CARD6: variants seen among roughly 807,000 people sequenced by gnomAD.
CARD6 encodes the protein caspase recruitment domain family member 6, also known as caspase recruitment domain-containing protein 6.
CARD6 carries 27 observed loss-of-function variants against 23.6 expected under a neutral mutation model. That is an observed-to-expected ratio of 1.14 (90% CI 0.84 to 1.58). CARD6 has a LOEUF of 1.58. Among genes scored for constraint, CARD6 ranks in the 40% most tolerant of loss-of-function variants. The probability of loss-of-function intolerance (pLI) is 0.00; values close to 1 mark genes in which losing one functional copy is unlikely to be tolerated. For missense variants in CARD6, 1,214 were observed against 1,209.9 expected (o/e 1.00, Z -0.05); for synonymous variants, 397 against 431.8 (o/e 0.92, Z 1.00).
At position 40,853,183 on chromosome 5, in the gene CARD6, T is replaced by C. The variant is rs1746107906; in HGVS notation, c.1851T>C (p.Asp617=). 1 of 1,614,062 alleles carries C rather than the reference T, an allele frequency of 6.2e-7. No homozygotes were observed. The highest frequency in any genetic ancestry group is 1.7e-5 in the Admixed American group (1 of 59,986). The part of the protein sequence containing the change: ...LLFWERGDAG[D]RRKNMEGLQA... ...TTTGGGAGAGGGGAGATGCTGGGGA[T>C]AGAAGGAAGAACATGGAGGGCCTTC... Residue 617 remains aspartate, a synonymous_variant, in exon 3 of 3, where the codon GAT becomes GAC. Transcript: ENST00000254691.
intron 2 of CARD6, among the ~76,000 whole-genome samples, chr5:40,846,477 T>G (rs1745970047): frequency 6.6e-6 from 1 of 152,116 alleles, no homozygotes; most frequent in Non-Finnish European, 1.5e-5. Context: ...TGTAACAAAG[T>G]ACCACAAATG....
At chr5:40,845,024 C>T (rs1056015087) in intron 2 of CARD6, among the ~76,000 whole-genome samples, 33 of 152,026 alleles carry the variant, frequency 2.2e-4, no homozygotes, top group African/African-American at 7.5e-4. Flanking sequence ...CGTGCCACCA[C>T]GCCTGGCTAA....
intron 2 of CARD6, among the ~76,000 whole-genome samples, chr5:40,851,757 A>C (rs895078782): frequency 1.3e-5 from 2 of 152,118 alleles, no homozygotes; most frequent in East Asian, 3.9e-4. Context: ...TGGAGGTTGC[A>C]GTGAGCTGAG....
Position 40,852,790 on chromosome 5 carries a change from T to C in CARD6, c.1458T>C (p.Phe486=). Residue 486 remains phenylalanine, a synonymous_variant, in exon 3 of 3, where the codon TTT becomes TTC. Coordinates refer to ENST00000254691, the MANE Select transcript of CARD6 (RefSeq NM_032587.4). ...SPAQLKLHKI[F]LHQDLPLLVL... is the part of the protein sequence containing the mutation. ...CCCAGTTGAAATTACACAAAATCTT[T>C]CTTCATCAAGATTTGCCTCTTTTGG... 1 of 1,614,170 alleles carries C rather than the reference T, an allele frequency of 6.2e-7. No homozygotes were observed.
chr5:40,848,514 C>G (rs1746002417), intron 2 of CARD6, among the ~76,000 whole-genome samples: 1 of 152,182 alleles, frequency 6.6e-6, no homozygotes, highest in South Asian at 2.1e-4. Context: ...CCATGCCTGA[C>G]TGTAAAATTC....
chr5:40,844,742 G>C (rs111443233), intron 2 of CARD6, among the ~76,000 whole-genome samples: 103 of 152,178 alleles, frequency 6.8e-4, no homozygotes, highest in African/African-American at 2.3e-3. Context: ...CAGTTTGTGA[G>C]GGATGCTGTA....
In CARD6 at chr5:40,841,640, A is replaced by G. The variant is rs753044145; in HGVS notation, c.258A>G (p.Ser86=). The G allele has an allele frequency of 4.3e-6, 7 of 1,613,850 alleles. No individual in the cohort carries two copies. In the South Asian group the frequency reaches 7.7e-5, roughly 18 times the overall value. ...LKCLFSTFPQ[S]AAICGLRHEV... ...GTTTATTTAGTACTTTTCCACAGTC[A>G]GCTGCCATTTGCGGCTTAAGGCATG... The change falls in exon 1 of 3, where the codon TCA becomes TCG. Residue 86 remains serine (S), a synonymous_variant. Transcript: ENST00000254691.
chr5:40,849,871 T>C (rs962877191), intron 2 of CARD6, among the ~76,000 whole-genome samples: 9 of 151,808 alleles, frequency 5.9e-5, no homozygotes, highest in Admixed American at 4.6e-4. Context: ...TCCCAGCTAC[T>C]CCAAAGGCTG....
chr5:40,853,305 A>T lies in CARD6; in HGVS notation c.1973A>T (p.Asp658Val). The change falls in exon 3 of 3, where the codon GAT (aspartate) becomes GTT (valine). Residue 658 changes from aspartate to valine, a missense_variant. Transcript: ENST00000254691. ...GCCAGGGAGCTGGGGATTCAGGTAGATGAAGACTTTGAAAACACTCAGAGA... is the reference window on the plus strand; with the variant it reads ...GCCAGGGAGCTGGGGATTCAGGTAGTTGAAGACTTTGAAAACACTCAGAGA... The part of the protein sequence containing the change: ...ALARELGIQV[D>V]EDFENTQRIQ... 6.2e-7 allele frequency: 1 copy of T among 1,614,184 alleles called. No individual in the cohort carries two copies. The highest frequency in any genetic ancestry group is 1.1e-5 in the South Asian group (1 of 91,084).
At chr5:40,850,270 C>T (rs924757854) in intron 2 of CARD6, among the ~76,000 whole-genome samples, 1 of 151,218 alleles carries the variant, frequency 6.6e-6, no homozygotes, top group African/African-American at 2.4e-5. Context: ...AAAAATTAGC[C>T]AGGTGTGGTG....
At chr5:40,845,455 T>G (rs1309233559) in intron 2 of CARD6, among the ~76,000 whole-genome samples, 1 of 152,196 alleles carries the variant, frequency 6.6e-6, no homozygotes, top group African/African-American at 2.4e-5. Context: ...GATTTCAACA[T>G]ATGAATTTTG....
chr5:40,854,045 A>T lies in CARD6; in HGVS notation c.2713A>T (p.Thr905Ser). 2 of 1,614,200 alleles carry T rather than the reference A, an allele frequency of 1.2e-6. No homozygotes were observed. Among genetic ancestry groups the T allele is most frequent in the Non-Finnish European group, 1.7e-6 (2 of 1,180,052 alleles). ...TCAGTCCTTTCAACCAGCAGCAGCC[A>T]CACAAAAACTAAGACCTGCTTCTCA... ...HPQSFQPAAA[T>S]QKLRPASQQG... The change falls in exon 3 of 3, where the codon ACA (threonine) becomes TCA (serine). Residue 905 changes from threonine to serine, a missense_variant. By Grantham distance (58) the Thr-to-Ser change is moderately conservative. Coordinates refer to ENST00000254691, the MANE Select transcript of CARD6 (RefSeq NM_032587.4).
chr5:40,844,949 C>T (rs1745941654), intron 2 of CARD6, among the ~76,000 whole-genome samples: 1 of 151,296 alleles, frequency 6.6e-6, no homozygotes, highest in African/African-American at 2.4e-5. Flanking sequence ...CTCACTGTAC[C>T]CTCCGCCTCC....
In CARD6 at chr5:40,843,388, G is replaced by C; in HGVS notation, c.520G>C (p.Val174Leu). 6.2e-7 allele frequency: 1 copy of C among 1,614,050 alleles called. No individual in the cohort carries two copies. Among genetic ancestry groups the C allele is most frequent in the Non-Finnish European group, 8.5e-7 (1 of 1,179,960 alleles). The stretch of plus-strand genomic sequence containing the variant: ...TGAGAAGGAATATGACACACCAGAA[G>C]TCACATTATCATATTCAGTTGAGAA... ...KNEKEYDTPE[V>L]TLSYSVEKVG... Residue 174 changes from valine (V) to leucine (L), a missense_variant, in exon 2 of 3, where the codon GTC becomes CTC. Physicochemically the swap from Val to Leu is conservative, Grantham distance 32. Transcript: ENST00000254691.
chr5:40,842,396 T>C (rs1186434085), intron 1 of CARD6, among the ~76,000 whole-genome samples: 1 of 152,210 alleles, frequency 6.6e-6, no homozygotes, highest in African/African-American at 2.4e-5. Flanking sequence ...TAGGACAAGA[T>C]TTATATGCTT....
At chr5:40,847,345 G>T (rs1236886743) in intron 2 of CARD6, among the ~76,000 whole-genome samples, 1 of 152,178 alleles carries the variant, frequency 6.6e-6, no homozygotes, top group Non-Finnish European at 1.5e-5. Flanking sequence ...AACTTGTATA[G>T]ACAGTATCAA....
intron 2 of CARD6, among the ~76,000 whole-genome samples, chr5:40,844,431 A>G (rs1055117947): frequency 6.6e-6 from 1 of 152,076 alleles, no homozygotes; most frequent in African/African-American, 2.4e-5. Flanking sequence ...GGATTTTGCC[A>G]TGTTGCTCAG....
At position 40,853,411 on chromosome 5, in the gene CARD6, A is replaced by G; in HGVS notation, c.2079A>G (p.Ser693=). ...AAAGACACAGTCAGCTAAAAAGCTC[A>G]TCTAAAAGCCAGGCTCTAATGCCAA... ...GQQRHSQLKS[S]SKSQALMPIQ... Residue 693 remains serine, a synonymous_variant, in exon 3 of 3, where the codon TCA becomes TCG. Transcript: ENST00000254691. 6.2e-7 allele frequency: 1 copy of G among 1,614,068 alleles called. No homozygotes were observed. Among genetic ancestry groups the G allele is most frequent in the Non-Finnish European group, 8.5e-7 (1 of 1,179,934 alleles).
In CARD6 at chr5:40,854,727, AT is replaced by A; in HGVS notation, c.*283del. The A allele has an allele frequency of 3.0e-6, 1 of 333,224 alleles. No individual in the cohort carries two copies. The highest frequency in any genetic ancestry group is 6.3e-5 in the East Asian group (1 of 15,856). 20.6% of individuals were successfully genotyped at this position (333,224 alleles called of 1,614,324 possible). A position where few individuals can be genotyped will look rare whatever the true frequency, so the allele number is the denominator to read the frequency against. On this transcript the variant is annotated 3_prime_UTR_variant, in exon 3 of 3. Transcript: ENST00000254691. Reference sequence around the variant, plus strand: ...TGCCTCAGCCTCTCGAGTAGCTGGGATTACAGGCATGCACCACCACACCCAG... The same window carrying A: ...TGCCTCAGCCTCTCGAGTAGCTGGGATACAGGCATGCACCACCACACCCAG...
Sources: gnomAD v4.1 joint callset for allele counts (sites outside exome capture counted in the v4.1 genomes callset) on GRCh38, gnomAD v4.1.1 for gene constraint, MANE v1.5 for transcripts, NCBI Gene and HGNC (gene_info 2026-07-23, HGNC 2026-07-21) for gene names.